Variants in SLC35F3 observed in about 807,000 individuals in gnomAD.
SLC35F3 encodes putative thiamine transporter SLC35F3.
In SLC35F3, 25 loss-of-function variants were observed where a neutral mutation model predicts 49.9. The ratio of observed to expected loss-of-function variants is 0.50; its 90% CI spans 0.37 to 0.70. The LOEUF (loss-of-function observed/expected upper bound fraction) is 0.70. Ranked by LOEUF, SLC35F3 falls within the 30% of genes least tolerant of loss-of-function variation. SLC35F3 has a pLI of 0.00. For missense variants in SLC35F3, 525 were observed against 639.8 expected, an observed-to-expected ratio of 0.82 and a Z score of 1.94; for synonymous variants, 275 against 265.4, an observed-to-expected ratio of 1.04 and a Z score of -0.35.
intron 2 of SLC35F3, among the ~76,000 whole-genome samples, chr1:234,170,523 C>A (rs574262841): frequency 6.8e-4 from 104 of 152,086 alleles, no homozygotes; most frequent in African/African-American, 2.4e-3. Flanking sequence ...GTGTAGAGTA[C>A]CCGTTCCAAC....
chr1:234,058,465 T>A (rs1664490312), intron 2 of SLC35F3, among the ~76,000 whole-genome samples: 1 of 150,302 alleles, frequency 6.7e-6, no homozygotes, highest in African/African-American at 2.4e-5. Flanking sequence ...CCACCTTAGC[T>A]TCCTGAGTAG....
chr1:233,979,649 A>T (rs1663148474), intron 2 of SLC35F3, among the ~76,000 whole-genome samples: 1 of 152,176 alleles, frequency 6.6e-6, no homozygotes, highest in Non-Finnish European at 1.5e-5. Flanking sequence ...CACTGTTTTA[A>T]AAAAAACTTT....
chr1:234,147,806 C>T (rs1666019941), intron 2 of SLC35F3, among the ~76,000 whole-genome samples: 1 of 152,190 alleles, frequency 6.6e-6, no homozygotes, highest in East Asian at 1.9e-4. Flanking sequence ...ATCTGAATGA[C>T]CGGAGAGCTT....
chr1:234,147,806 C>A (rs1666019941), intron 2 of SLC35F3, among the ~76,000 whole-genome samples: 1 of 152,308 alleles, frequency 6.6e-6, no homozygotes, highest in East Asian at 1.9e-4. Context: ...ATCTGAATGA[C>A]CGGAGAGCTT....
At chr1:233,930,354 G>A (rs1032588855) in intron 2 of SLC35F3, among the ~76,000 whole-genome samples, 1 of 152,098 alleles carries the variant, frequency 6.6e-6, no homozygotes, top group African/African-American at 2.4e-5. Flanking sequence ...CTTTAATTGG[G>A]TGCTCATCAA....
intron 2 of SLC35F3, among the ~76,000 whole-genome samples, chr1:234,009,278 A>G (rs573619609): frequency 6.6e-6 from 1 of 152,324 alleles, no homozygotes; most frequent in South Asian, 2.1e-4. Flanking sequence ...GCTAGGTGCC[A>G]CTGGCAACTC....
chr1:233,908,055 T>A (rs1661804770), intron 2 of SLC35F3, among the ~76,000 whole-genome samples: 1 of 152,200 alleles, frequency 6.6e-6, no homozygotes, highest in Non-Finnish European at 1.5e-5. Flanking sequence ...GAACTTTTGC[T>A]GTTTGCCATT....
intron 3 of SLC35F3, among the ~76,000 whole-genome samples, chr1:234,270,211 AT>A (rs1201927249): frequency 1.3e-5 from 2 of 152,138 alleles, no homozygotes; most frequent in African/African-American, 4.8e-5. Context: ...GTTTTCGTTC[AT>A]TTTGGTTATG....
chr1:234,079,674 G>T (rs2102872029), intron 2 of SLC35F3, among the ~76,000 whole-genome samples: 1 of 152,102 alleles, frequency 6.6e-6, no homozygotes, highest in East Asian at 1.9e-4. Flanking sequence ...TCATTATTAG[G>T]GAAATGCAAT....
chr1:233,922,074 G>A (rs144635091), intron 2 of SLC35F3, among the ~76,000 whole-genome samples: 11,928 of 152,240 alleles, frequency 0.078, 548 homozygotes, highest in South Asian at 0.11. Context: ...CCAAGTCTTT[G>A]CTATTGTGAA....
intron 2 of SLC35F3, among the ~76,000 whole-genome samples, chr1:233,956,372 G>T (rs1201033641): frequency 1.3e-5 from 2 of 152,202 alleles, no homozygotes; most frequent in Non-Finnish European, 2.9e-5. Flanking sequence ...AGGCAAAGGA[G>T]CTGGCCCCAC....
intron 2 of SLC35F3, among the ~76,000 whole-genome samples, chr1:234,143,352 G>T (rs1665950370): frequency 6.8e-6 from 1 of 147,458 alleles, no homozygotes; most frequent in South Asian, 2.2e-4. Context: ...GCAGTGGCGT[G>T]ATTTTGGCTC....
intron 2 of SLC35F3, among the ~76,000 whole-genome samples, chr1:234,114,959 G>A (rs887832343): frequency 6.6e-6 from 1 of 152,140 alleles, no homozygotes; most frequent in African/African-American, 2.4e-5. Flanking sequence ...CTTTAAAGGG[G>A]ACCGGGTATT....
At chr1:234,266,891 T>TC in intron 3 of SLC35F3, among the ~76,000 whole-genome samples, 1 of 150,022 alleles carries the variant, frequency 6.7e-6, no homozygotes, top group Non-Finnish European at 1.5e-5. Context: ...TTTTTTTTTT[T>TC]TTTTTTATTG....
chr1:234,312,290 C>T (rs1657376282), intron 4 of SLC35F3, among the ~76,000 whole-genome samples: 1 of 152,092 alleles, frequency 6.6e-6, no homozygotes, highest in South Asian at 2.1e-4. Context: ...GTCTTTAAAC[C>T]AGGAGGGACG....
chr1:234,249,580 G>A (rs770798208), intron 3 of SLC35F3, among the ~76,000 whole-genome samples: 9 of 152,174 alleles, frequency 5.9e-5, no homozygotes, highest in Non-Finnish European at 1.0e-4. Flanking sequence ...TTGGGGCAGG[G>A]GTCCTATGGG....
rs181436304 is a variant in SLC35F3 at position 234,207,818 on chromosome 1, A to G, written c.284-23599A>G. Reference sequence around the variant, plus strand: ...GGAGTTTTAGACAAGCCTGGGCAACATAGTAAGCTCACATCTCTACAAAAG... The same window carrying G: ...GGAGTTTTAGACAAGCCTGGGCAACGTAGTAAGCTCACATCTCTACAAAAG... On this transcript the variant is annotated intron_variant, in intron 2 of 7. Coordinates refer to ENST00000366618, the MANE Select transcript of SLC35F3 (RefSeq NM_173508.4). Among the ~76,000 whole-genome samples, 8 of 152,256 alleles carry G rather than the reference A, an allele frequency of 5.3e-5. No individual in the cohort carries two copies. The East Asian group carries it at 1.4e-3, about 26-fold the overall frequency.
intron 2 of SLC35F3, among the ~76,000 whole-genome samples, chr1:234,161,073 G>C (rs1297782375): frequency 6.6e-6 from 1 of 152,146 alleles, no homozygotes; most frequent in African/African-American, 2.4e-5. Flanking sequence ...CTGCTTTGTA[G>C]TGTCACCCTG....
At chr1:234,063,571 A>T (rs1399961888) in intron 2 of SLC35F3, among the ~76,000 whole-genome samples, 1 of 152,112 alleles carries the variant, frequency 6.6e-6, no homozygotes, top group Non-Finnish European at 1.5e-5. Context: ...TCCCCCCAAT[A>T]AAACTTGTTT....
Sources: gnomAD v4.1 joint callset for allele counts (sites outside exome capture counted in the v4.1 genomes callset) on GRCh38, gnomAD v4.1.1 for gene constraint, MANE v1.5 for transcripts, NCBI Gene and HGNC (gene_info 2026-07-23, HGNC 2026-07-21) for gene names.